The following KCNIP1 variants were observed in gnomAD, a reference collection of about 807,000 sequenced individuals.
The protein encoded by KCNIP1 is potassium voltage-gated channel interacting protein 1.
A neutral mutation model predicts 33.0 loss-of-function variants in KCNIP1; 18 were observed. That is an observed-to-expected ratio of 0.55 (90% CI 0.38 to 0.81). The LOEUF is 0.81. KCNIP1 is among the 30% of genes least tolerant of loss of function. The pLI is 0.00. For synonymous variants in KCNIP1, 93 were observed against 98.3 expected (o/e 0.95, Z 0.32); for missense variants, 238 against 271.6 (o/e 0.88, Z 0.87).
At chr5:170,513,712 T>A (rs1288389768) in intron 1 of KCNIP1, among the ~76,000 whole-genome samples, 2 of 152,196 alleles carry the variant, frequency 1.3e-5, no homozygotes, top group African/African-American at 4.8e-5. Flanking sequence ...ATTTCACTGA[T>A]AATGTTCAGA....
rs148378817 is a variant in KCNIP1 at position 170,633,392 on chromosome 5, G to T, written c.62-85366G>T. Among the ~76,000 whole-genome samples, 264 of 151,786 alleles carry T rather than the reference G, an allele frequency of 1.7e-3. 1 individual carries two copies. Among genetic ancestry groups the T allele is most frequent in the African/African-American group, 6.0e-3 (247 of 41,408 alleles). On this transcript the variant is annotated intron_variant, in intron 1 of 7. Coordinates refer to ENST00000328939, the MANE Select transcript of KCNIP1 (RefSeq NM_014592.4). The stretch of plus-strand genomic sequence containing the variant: ...ATTAAGTGACTGAGGTAGTCAGGGG[G>T]CCTCACTGAGAAGTGGCTTGGAGTA...
At chr5:170,700,888 A>G (rs865819154) in intron 1 of KCNIP1, among the ~76,000 whole-genome samples, 36 of 152,256 alleles carry the variant, frequency 2.4e-4, no homozygotes, top group Admixed American at 7.8e-4. Flanking sequence ...GGTGACAAGC[A>G]CAAATGACCA....
At chr5:170,486,794 G>A (rs1356389267) in intron 1 of KCNIP1, among the ~76,000 whole-genome samples, 1 of 152,132 alleles carries the variant, frequency 6.6e-6, no homozygotes, top group Non-Finnish European at 1.5e-5. Context: ...GGCCCTGCCT[G>A]CCCCAGCCAG....
intron 1 of KCNIP1, among the ~76,000 whole-genome samples, chr5:170,469,127 G>A (rs866707108): frequency 1.3e-5 from 2 of 152,264 alleles, no homozygotes; most frequent in Middle Eastern, 3.4e-3. Flanking sequence ...CGGGTGTGGT[G>A]GTTCATGCCT....
intron 1 of KCNIP1, among the ~76,000 whole-genome samples, chr5:170,705,658 CATATTT>C (rs1412802892): frequency 6.6e-6 from 1 of 152,182 alleles, no homozygotes; most frequent in African/African-American, 2.4e-5. Flanking sequence ...ATAAAACGAT[CATATTT>C]ACTTTATCCT....
intron 1 of KCNIP1, among the ~76,000 whole-genome samples, chr5:170,717,677 A>G (rs1763683342): frequency 6.6e-6 from 1 of 152,224 alleles, no homozygotes; most frequent in Non-Finnish European, 1.5e-5. Context: ...CTGATGAGAG[A>G]AATGCACACA....
Position 170,444,003 on chromosome 5 carries a change from G to C in KCNIP1, c.88+90039G>C, listed in dbSNP as rs557342346. On this transcript the variant is annotated intron_variant, in intron 1 of 7. Coordinates refer to the KCNIP1 transcript ENST00000377360. ...CCCAAATGGTTAAGAAGATATATCT[G>C]TTAATGTAGAACATTTTGTATTTAA... 2.0e-5 allele frequency among the ~76,000 whole-genome samples: 3 copies of C among 152,338 alleles called. No homozygotes were observed. The South Asian group carries it at 6.2e-4, about 32-fold the overall frequency.
intron 1 of KCNIP1, among the ~76,000 whole-genome samples, chr5:170,568,648 T>TAAGCAAAAAAAAAAAAAAAAAA (rs1757286500): frequency 2.3e-5 from 1 of 43,714 alleles, no homozygotes; most frequent in Non-Finnish European, 4.6e-5. Flanking sequence ...CCGTTTCTAC[T>TAAGCAAAAAAAAAAAAAAAAAA]AAAAAAAAAA....
chr5:170,397,214 A>G (rs1754783098), intron 1 of KCNIP1, among the ~76,000 whole-genome samples: 1 of 152,166 alleles, frequency 6.6e-6, no homozygotes, highest in Admixed American at 6.5e-5. Flanking sequence ...CTTGGCCAAG[A>G]GGTGGGATCC....
intron 1 of KCNIP1, among the ~76,000 whole-genome samples, chr5:170,633,714 G>T (rs1581424299): frequency 4.4e-5 from 1 of 22,528 alleles, no homozygotes; most frequent in African/African-American, 1.8e-4. Flanking sequence ...GCGAGGGGGC[G>T]GGGGGGCGGA....
chr5:170,589,393 CAG>C (rs1339512532), intron 1 of KCNIP1, among the ~76,000 whole-genome samples: 2 of 152,154 alleles, frequency 1.3e-5, no homozygotes, highest in African/African-American at 4.8e-5. Flanking sequence ...ATTAGGTATT[CAG>C]AGTCTATGTT....
At chr5:170,653,358 C>A (rs996327036) in intron 1 of KCNIP1, among the ~76,000 whole-genome samples, 2 of 152,142 alleles carry the variant, frequency 1.3e-5, no homozygotes, top group Non-Finnish European at 2.9e-5. Flanking sequence ...AGTGGTATCA[C>A]GAACATATCT....
intron 1 of KCNIP1, among the ~76,000 whole-genome samples, chr5:170,462,461 T>TA (rs760224622): frequency 1.3e-5 from 2 of 151,886 alleles, no homozygotes; most frequent in African/African-American, 2.4e-5. Context: ...ATGGCCATAA[T>TA]AAAAAAATCA....
chr5:170,663,670 C>T (rs916912339), intron 1 of KCNIP1, among the ~76,000 whole-genome samples: 1 of 152,124 alleles, frequency 6.6e-6, no homozygotes, highest in Admixed American at 6.5e-5. Context: ...ACATCCTGGT[C>T]CCCAAACCAG....
chr5:170,624,741 A>AGAGGGGAGGGGAGGAGAGGG (rs1759755995), intron 1 of KCNIP1, among the ~76,000 whole-genome samples: 3 of 7,768 alleles, frequency 3.9e-4, no homozygotes, highest in Non-Finnish European at 7.3e-4. Context: ...GTGGGGGGGG[A>AGAGGGGAGGGGAGGAGAGGG]GAGGGGAGGG....
chr5:170,588,715 A>G (rs1255612296), intron 1 of KCNIP1, among the ~76,000 whole-genome samples: 1 of 152,192 alleles, frequency 6.6e-6, no homozygotes, highest in African/African-American at 2.4e-5. Context: ...CCAAGGCTTC[A>G]CATGTGTAGG....
chr5:170,432,795 T>A (rs1014437561), intron 1 of KCNIP1, among the ~76,000 whole-genome samples: 25 of 152,160 alleles, frequency 1.6e-4, no homozygotes, highest in Admixed American at 9.2e-4. Context: ...GAAATTAATA[T>A]CCCCATTTTA....
At chr5:170,604,613 G>A (rs1379720534) in intron 1 of KCNIP1, among the ~76,000 whole-genome samples, 1 of 152,192 alleles carries the variant, frequency 6.6e-6, no homozygotes, top group Non-Finnish European at 1.5e-5. Context: ...TGGGGGTGAG[G>A]AAGCCACAGA....
chr5:170,576,384 G>A (rs531055545), intron 1 of KCNIP1, among the ~76,000 whole-genome samples: 6 of 152,190 alleles, frequency 3.9e-5, no homozygotes, highest in Non-Finnish European at 8.8e-5. Flanking sequence ...GTCACATAGT[G>A]TAACCTCTAT....
Sources: allele counts gnomAD v4.1 joint callset (sites outside exome capture counted in the v4.1 genomes callset), GRCh38; gene constraint gnomAD v4.1.1; transcripts MANE v1.5; gene names NCBI Gene and HGNC (gene_info 2026-07-23, HGNC 2026-07-21).